The following WIPF3 variants were observed in gnomAD, a reference collection of about 807,000 sequenced individuals.
The protein encoded by WIPF3 is WAS/WASL-interacting protein family member 3.
WIPF3 carries 33 observed loss-of-function variants against 38.9 expected under a neutral mutation model. That is an observed-to-expected ratio of 0.85 (90% CI 0.64 to 1.14). The LOEUF is 1.14. WIPF3 is among the 50% of genes most tolerant of loss of function. The probability of loss-of-function intolerance (pLI) is 0.00; values close to 1 mark genes in which losing one functional copy is unlikely to be tolerated. For synonymous variants in WIPF3, 324 were observed against 269.3 expected (o/e 1.20, Z -1.99); for missense variants, 711 against 652.5 (o/e 1.09, Z -0.98).
At chr7:29,911,749 G>A (rs542451837) in intron 8 of WIPF3, among the ~76,000 whole-genome samples, 9 of 152,196 alleles carry the variant, frequency 5.9e-5, no homozygotes, top group Non-Finnish European at 1.3e-4. Context: ...AATGAAGTTG[G>A]ACCCCTTCTA....
At chr7:29,856,175 A>G (rs1785184667) in intron 2 of WIPF3, among the ~76,000 whole-genome samples, 3 of 152,068 alleles carry the variant, frequency 2.0e-5, no homozygotes, top group Admixed American at 2.0e-4. Context: ...AGGGGTTTTT[A>G]TACATATCTT....
chr7:29,807,468 C>G (rs1196658181), intron 1 of WIPF3, among the ~76,000 whole-genome samples: 5 of 152,156 alleles, frequency 3.3e-5, no homozygotes, highest in African/African-American at 1.2e-4. Flanking sequence ...GGGCGGGCAC[C>G]CGGCCGCCCT....
At chr7:29,854,637 G>A (rs1050451202) in intron 2 of WIPF3, among the ~76,000 whole-genome samples, 3 of 152,138 alleles carry the variant, frequency 2.0e-5, no homozygotes, top group Admixed American at 6.5e-5. Flanking sequence ...CAATTACCAC[G>A]TTTCTTTGAT....
At chr7:29,882,303 T>G (rs1191756374) in intron 4 of WIPF3, among the ~76,000 whole-genome samples, 2 of 152,240 alleles carry the variant, frequency 1.3e-5, no homozygotes, top group Admixed American at 1.3e-4. Context: ...CCACTGGGCA[T>G]GTAGGTAGGC....
At chr7:29,827,039 A>G (rs192779975) in intron 1 of WIPF3, among the ~76,000 whole-genome samples, 2 of 152,162 alleles carry the variant, frequency 1.3e-5, no homozygotes, top group African/African-American at 4.8e-5. Context: ...AATATATGAA[A>G]CACTCTAAGA....
intron 4 of WIPF3, among the ~76,000 whole-genome samples, chr7:29,882,175 G>C (rs528657940): frequency 2.6e-4 from 40 of 152,292 alleles, no homozygotes; most frequent in African/African-American, 7.5e-4. Flanking sequence ...TCACTTTAAG[G>C]GTTTTTGAAT....
At position 29,914,721 on chromosome 7, in the gene WIPF3, A is replaced by G. The variant is rs910280652; in HGVS notation, c.*205A>G. On this transcript the variant is annotated 3_prime_UTR_variant, in exon 9 of 9. Transcript: ENST00000242140. The stretch of plus-strand genomic sequence containing the variant: ...GGTAATATTTTTTAAAACACCCCTC[A>G]TTTTTCCATTTTTTGCATTGCATCT... The G allele has an allele frequency of 6.3e-5, 25 of 396,924 alleles. No individual in the cohort carries two copies. The highest frequency in any genetic ancestry group is 1.0e-4 in the Non-Finnish European group (22 of 220,318). The allele number at this position is 396,924 out of a possible 1,614,324, so 24.6% of individuals were successfully genotyped here.
chr7:29,902,483 C>T (rs965462898), intron 7 of WIPF3, among the ~76,000 whole-genome samples: 8 of 152,068 alleles, frequency 5.3e-5, no homozygotes, highest in African/African-American at 1.7e-4. Flanking sequence ...TTGTACCTTA[C>T]CTTAAAAGGT....
At chr7:29,848,308 G>T (rs1431499472) in intron 2 of WIPF3, among the ~76,000 whole-genome samples, 2 of 152,174 alleles carry the variant, frequency 1.3e-5, no homozygotes, top group South Asian at 4.1e-4. Context: ...ATTTGGAGAG[G>T]ACTTTGTTTT....
chr7:29,884,285 TC>T lies in WIPF3; in HGVS notation c.794del (p.Pro265LeufsTer109). ...CACCTCCCGCCCATCCCGCCCCCGC[TC>T]CCTCTGCTCCCACCTTGTGGGTATC... ...PLHLPPIPPP[L>X]PLLPPCGYPG... On this transcript the variant is annotated frameshift_variant, in exon 5 of 9. Coordinates refer to ENST00000242140, the MANE Select transcript of WIPF3 (RefSeq NM_001080529.3). LOFTEE classifies it high-confidence loss of function. 3.0e-6 allele frequency: 1 copy of T among 332,836 alleles called. No homozygotes were observed. Among genetic ancestry groups the T allele is most frequent in the Admixed American group, 8.4e-5 (1 of 11,852 alleles). The allele number at this position is 332,836 out of a possible 1,614,324, so 20.6% of individuals were successfully genotyped here. A position where few individuals can be genotyped will look rare whatever the true frequency, so the allele number is the denominator to read the frequency against.
intron 2 of WIPF3, among the ~76,000 whole-genome samples, chr7:29,836,776 G>A (rs1784809886): frequency 6.7e-6 from 1 of 150,154 alleles, no homozygotes; most frequent in African/African-American, 2.5e-5. Context: ...ATCACCTGAG[G>A]TCAGGAATTC....
intron 8 of WIPF3, among the ~76,000 whole-genome samples, chr7:29,906,339 C>G (rs1374746291): frequency 6.6e-6 from 1 of 151,638 alleles, no homozygotes; most frequent in Non-Finnish European, 1.5e-5. Context: ...ATGGAAGTAT[C>G]AATAAAGAGG....
intron 5 of WIPF3, among the ~76,000 whole-genome samples, chr7:29,885,269 G>GT (rs1430340240): frequency 6.6e-6 from 1 of 152,294 alleles, no homozygotes; most frequent in East Asian, 1.9e-4. Context: ...GATCCCGCTA[G>GT]TAGGAGGCTT....
Position 29,884,187 on chromosome 7 carries a change from C to G in WIPF3, c.693C>G (p.Pro231=). The change falls in exon 5 of 9, where the codon CCC becomes CCG. Residue 231 remains proline (P), a synonymous_variant. Transcript: ENST00000242140. ...CACCACCTCCACCTCCGCCACCTCC[C>G]CCAACGCCACCCCCGCTGCCCCCGG... ...CAPPPPPPPP[P]PTPPPLPPAS... 1.3e-6 allele frequency: 2 copies of G among 1,522,390 alleles called. No homozygotes were observed. Among genetic ancestry groups the G allele is most frequent in the Non-Finnish European group, 1.8e-6 (2 of 1,129,730 alleles). 94.3% of individuals were successfully genotyped at this position (1,522,390 alleles called of 1,614,324 possible).
At chr7:29,914,367 A>T in intron 8 of WIPF3, 126 bp from the exon 9 acceptor site, 1 of 724,562 alleles carries the variant, frequency 1.4e-6, no homozygotes, top group Non-Finnish European at 2.1e-6. Flanking sequence ...CATCTCCCCA[A>T]ACTTGACAGC....
At chr7:29,809,527 G>A (rs1784338024) in intron 1 of WIPF3, among the ~76,000 whole-genome samples, 1 of 152,252 alleles carries the variant, frequency 6.6e-6, no homozygotes, top group African/African-American at 2.4e-5. Flanking sequence ...ATATGAGTTA[G>A]GGTTGGTGAG....
chr7:29,884,365 G>GCCCCCCCCCCCCCCC lies in WIPF3; in HGVS notation c.875_876insCCCCCCCCCCCCCCC (p.Pro295_Leu296insProProProProPro). On this transcript the variant is annotated inframe_insertion, in exon 5 of 9. Coordinates refer to ENST00000242140, the MANE Select transcript of WIPF3 (RefSeq NM_001080529.3). ...TGCGCAAGATGCGCAGGAGCCTCCC[G>GCCCCCCCCCCCCCCC]CCCCGCCGCCCCCGCTCCCCCCTTA... 55 of 573,278 alleles carry GCCCCCCCCCCCCCCC rather than the reference G, an allele frequency of 9.6e-5. No individual in the cohort carries two copies. The highest frequency in any genetic ancestry group is 1.7e-4 in the South Asian group (5 of 30,300). 35.5% of individuals were successfully genotyped at this position (573,278 alleles called of 1,614,324 possible). A position where few individuals can be genotyped will look rare whatever the true frequency, so the allele number is the denominator to read the frequency against.
At chr7:29,818,515 C>G (rs1464905440) in intron 1 of WIPF3, among the ~76,000 whole-genome samples, 1 of 147,602 alleles carries the variant, frequency 6.8e-6, no homozygotes, top group Non-Finnish European at 1.5e-5. Flanking sequence ...TGATTTAATT[C>G]TATAAATTAA....
In WIPF3 at chr7:29,884,622, CT is replaced by C. The variant is rs781198484; in HGVS notation, c.1099+30del. ...AGGAGCGCTGCCTGGCCCAGTGCCCCTGGTGGAGTGCGATAAAATCTCGTCG... is the reference window on the plus strand; with the variant it reads ...AGGAGCGCTGCCTGGCCCAGTGCCCCGGTGGAGTGCGATAAAATCTCGTCG... On this transcript the variant is annotated intron_variant, in intron 5 of 8. Transcript: ENST00000242140. 10 of 1,578,408 alleles carry C rather than the reference CT, an allele frequency of 6.3e-6. No individual in the cohort carries two copies. The African/African-American group carries it at 1.1e-4, about 17-fold the overall frequency.
Sources: allele counts gnomAD v4.1 joint callset (sites outside exome capture counted in the v4.1 genomes callset), GRCh38; gene constraint gnomAD v4.1.1; transcripts MANE v1.5; gene names NCBI Gene and HGNC (gene_info 2026-07-23, HGNC 2026-07-21).